WHRN: variants seen among roughly 807,000 people sequenced by gnomAD.
WHRN encodes the protein whirlin.
A neutral mutation model predicts 68.3 loss-of-function variants in WHRN; 41 were observed. The ratio of observed to expected loss-of-function variants is 0.60; its 90% confidence interval spans 0.47 to 0.78. The LOEUF is 0.78. Among genes scored for constraint, WHRN ranks in the 30% least tolerant of loss-of-function variants. The pLI is 0.00. For missense variants in WHRN, 1,243 were observed against 1,244.7 expected, an observed-to-expected ratio of 1.00 and a Z score of 0.02; for synonymous variants, 560 against 561.3, an observed-to-expected ratio of 1.00 and a Z score of 0.03.
Position 114,403,942 on chromosome 9 carries a change from T to C in WHRN, c.2372A>G (p.Lys791Arg). 1.9e-6 allele frequency: 3 copies of C among 1,611,356 alleles called. No individual in the cohort carries two copies. The highest frequency in any genetic ancestry group is 2.5e-6 in the Non-Finnish European group (3 of 1,180,010). Residue 791 changes from lysine (K) to arginine (R), a missense_variant, in exon 10 of 12, where the codon AAG becomes AGG. By Grantham distance (26) the Lys-to-Arg change is conservative (BLOSUM62 2). Transcript: ENST00000362057. Reference sequence around the variant, plus strand: ...GGGCCTCTCGTTCCGAGGCAGCTCCTTGCTACTCCTGCTCTTGGTGGACAC... The same window carrying C: ...GGGCCTCTCGTTCCGAGGCAGCTCCCTGCTACTCCTGCTCTTGGTGGACAC... Reference protein sequence around the residue: ...QSVSTKSRSSKELPRNERPTD... With the variant: ...QSVSTKSRSSRELPRNERPTD...
chr9:114,451,747 G>A (rs1839357416), intron 3 of WHRN, among the ~76,000 whole-genome samples: 1 of 152,234 alleles, frequency 6.6e-6, no homozygotes, highest in African/African-American at 2.4e-5. Context: ...GGGTTCACCA[G>A]AGAAGGTATG....
intron 1 of WHRN, among the ~76,000 whole-genome samples, chr9:114,487,119 T>A (rs906564562): frequency 6.7e-6 from 1 of 148,736 alleles, no homozygotes; most frequent in Non-Finnish European, 1.5e-5. Flanking sequence ...TAGTTCTGAT[T>A]ATTAAATTAG....
At chr9:114,452,936 C>T (rs1476698835) in intron 3 of WHRN, among the ~76,000 whole-genome samples, 1 of 152,162 alleles carries the variant, frequency 6.6e-6, no homozygotes, top group African/African-American at 2.4e-5. Flanking sequence ...GGCAGTTTGG[C>T]TTTGTCTGCT....
chr9:114,425,745 A>G, intron 4 of WHRN: 1 of 270,052 alleles, frequency 3.7e-6, no homozygotes, highest in South Asian at 4.6e-5. Context: ...ACTGTTGGCA[A>G]CTATGCAGCC....
chr9:114,455,841 C>T (rs1381931749), intron 3 of WHRN, among the ~76,000 whole-genome samples: 1 of 151,806 alleles, frequency 6.6e-6, no homozygotes, highest in Non-Finnish European at 1.5e-5. Flanking sequence ...TATTGTAAAT[C>T]AAAAATGCAT....
intron 1 of WHRN, among the ~76,000 whole-genome samples, chr9:114,494,648 G>GTGTTTTGT (rs2133359760): frequency 6.6e-6 from 1 of 152,304 alleles, no homozygotes; most frequent in Non-Finnish European, 1.5e-5. Context: ...CAAAACCTAG[G>GTGTTTTGT]TGTAAATCCT....
Position 114,423,482 on chromosome 9 carries a change from T to C in WHRN, c.1458A>G (p.Gln486=). 1 of 1,612,372 alleles carries C rather than the reference T, an allele frequency of 6.2e-7. No homozygotes were observed. The highest frequency in any genetic ancestry group is 2.2e-5 in the East Asian group (1 of 44,806). ...CCAGGTGGTCGAAGCGTTCTAGGTC[T>C]TGCGGGGAAATGGTGCCTCTCACCT... ...LSEVRGTISP[Q]DLERFDHLVL... is the part of the protein sequence containing the mutation. The change falls in exon 7 of 12, where the codon CAA becomes CAG. Residue 486 remains glutamine (Q), a synonymous_variant. Transcript: ENST00000362057.
chr9:114,460,404 A>T (rs1416170804), intron 3 of WHRN, among the ~76,000 whole-genome samples: 1 of 152,228 alleles, frequency 6.6e-6, no homozygotes. Context: ...TGTGTTGAGT[A>T]CAGTGCCTGA....
intron 3 of WHRN, among the ~76,000 whole-genome samples, chr9:114,440,566 T>TA (rs1838285769): frequency 6.6e-6 from 1 of 152,192 alleles, no homozygotes; most frequent in South Asian, 2.1e-4. Flanking sequence ...TATCAAAACT[T>TA]ACATACACAA....
chr9:114,426,349 A>G lies in WHRN; in HGVS notation c.1028T>C (p.Val343Ala), dbSNP rs199664960. Residue 343 changes from valine to alanine, a missense_variant, in exon 4 of 12, where the codon GTC becomes GCC. Transcript: ENST00000362057. ...SFLNILHDEA[V>A]RLLKSSRHLI... ...GTGCCGAGATGACTTAAGCAGCCTG[A>G]CAGCCTCGTCGTGTAGGATGTTGAG... The G allele has an allele frequency of 3.7e-6, 6 of 1,614,074 alleles. No individual in the cohort carries two copies. Among genetic ancestry groups the G allele is most frequent in the Non-Finnish European group, 5.1e-6 (6 of 1,180,040 alleles).
At chr9:114,489,472 ACACACACG>A (rs1346118602) in intron 1 of WHRN, among the ~76,000 whole-genome samples, 3 of 145,494 alleles carry the variant, frequency 2.1e-5, no homozygotes, top group Non-Finnish European at 4.5e-5. Flanking sequence ...ATACACACAC[ACACACACG>A]CACACACACG....
intron 3 of WHRN, among the ~76,000 whole-genome samples, chr9:114,446,836 T>C (rs546069931): frequency 3.9e-5 from 6 of 152,034 alleles, no homozygotes; most frequent in Non-Finnish European, 8.8e-5. Context: ...CATCCCTAGG[T>C]GCGTCTAGCC....
chr9:114,435,229 A>ATGGCACATGGGAAACACCTGAC (rs1204113857), intron 3 of WHRN, among the ~76,000 whole-genome samples: 2 of 152,194 alleles, frequency 1.3e-5, no homozygotes, highest in East Asian at 1.9e-4. Context: ...ACCCCCTTGA[A>ATGGCACATGGGAAACACCTGAC]TGGCACATGG....
At chr9:114,476,614 T>C (rs1841672737) in intron 2 of WHRN, among the ~76,000 whole-genome samples, 1 of 152,152 alleles carries the variant, frequency 6.6e-6, no homozygotes, top group Non-Finnish European at 1.5e-5. Flanking sequence ...TTTGGGATTA[T>C]TGTCTCACTC....
chr9:114,494,580 C>T (rs886546707), intron 1 of WHRN, among the ~76,000 whole-genome samples: 2 of 152,170 alleles, frequency 1.3e-5, no homozygotes, highest in African/African-American at 4.8e-5. Flanking sequence ...CAGGCTCGAG[C>T]ACTGTGGGGC....
At chr9:114,476,138 T>A (rs575717198) in intron 2 of WHRN, among the ~76,000 whole-genome samples, 76 of 152,092 alleles carry the variant, frequency 5.0e-4, no homozygotes, top group East Asian at 3.9e-3. Context: ...CTAATTTTTT[T>A]AAAAATACTT....
At chr9:114,491,220 G>A (rs1842945542) in intron 1 of WHRN, among the ~76,000 whole-genome samples, 1 of 152,148 alleles carries the variant, frequency 6.6e-6, no homozygotes, top group Non-Finnish European at 1.5e-5. Flanking sequence ...TGACATCCCT[G>A]TGCCTCATCA....
chr9:114,461,524 G>A (rs1043839683), intron 3 of WHRN, among the ~76,000 whole-genome samples: 15 of 152,116 alleles, frequency 9.9e-5, no homozygotes, highest in African/African-American at 3.6e-4. Context: ...TACATCTCCC[G>A]TGCAATCAGG....
At chr9:114,460,502 A>C (rs1374917195) in intron 3 of WHRN, among the ~76,000 whole-genome samples, 1 of 152,236 alleles carries the variant, frequency 6.6e-6, no homozygotes, top group Non-Finnish European at 1.5e-5. Flanking sequence ...TAAAGGAACA[A>C]AGGAGGTTTT....
Sources: allele counts gnomAD v4.1 joint callset (sites outside exome capture counted in the v4.1 genomes callset), GRCh38; gene constraint gnomAD v4.1.1; transcripts MANE v1.5; gene names NCBI Gene and HGNC (gene_info 2026-07-23, HGNC 2026-07-21).